FILIP1: variants seen among roughly 807,000 people sequenced by gnomAD.
The protein encoded by FILIP1 is filamin-A-interacting protein 1.
In FILIP1, 61 loss-of-function variants were observed where a neutral mutation model predicts 102.1. The observed-to-expected ratio is 0.60, with a 90% CI of 0.49 to 0.74. The LOEUF (loss-of-function observed/expected upper bound fraction) is 0.74, where lower values mean the gene tolerates loss of function less well. Ranked by LOEUF, FILIP1 falls within the 30% of genes least tolerant of loss-of-function variation. The pLI, the probability that FILIP1 is intolerant of heterozygous loss-of-function variation, is 0.00. For missense variants in FILIP1, 1,314 were observed against 1,441.2 expected, an observed-to-expected ratio of 0.91 and a Z score of 1.43; for synonymous variants, 491 against 526.9, an observed-to-expected ratio of 0.93 and a Z score of 0.93.
intron 1 of FILIP1, among the ~76,000 whole-genome samples, chr6:75,430,901 A>C (rs1777802021): frequency 6.6e-6 from 1 of 152,234 alleles, no homozygotes. Context: ...GCAAAAGCAC[A>C]AAAACACATA....
chr6:75,425,744 A>G (rs1777605609), intron 1 of FILIP1, among the ~76,000 whole-genome samples: 1 of 152,108 alleles, frequency 6.6e-6, no homozygotes, highest in South Asian at 2.1e-4. Flanking sequence ...AAAGTATTAG[A>G]TGTGCTACCC....
At chr6:75,439,195 T>C (rs942758201) in intron 1 of FILIP1, among the ~76,000 whole-genome samples, 2 of 152,110 alleles carry the variant, frequency 1.3e-5, no homozygotes, top group East Asian at 1.9e-4. Context: ...TGAAACCCCA[T>C]CTCTACTAAA....
At chr6:75,394,592 A>G (rs751755930) in intron 2 of FILIP1, among the ~76,000 whole-genome samples, 5 of 152,214 alleles carry the variant, frequency 3.3e-5, no homozygotes, top group Non-Finnish European at 7.3e-5. Flanking sequence ...TCAATAAAAG[A>G]CCAACAATTC....
chr6:75,444,551 C>T (rs1778379057), intron 1 of FILIP1, among the ~76,000 whole-genome samples: 1 of 82,658 alleles, frequency 1.2e-5, no homozygotes, highest in South Asian at 3.9e-4. Context: ...TGATTTACAA[C>T]ATCAAAAAAG....
intron 2 of FILIP1, among the ~76,000 whole-genome samples, chr6:75,369,885 C>A (rs1209510068): frequency 6.6e-6 from 1 of 152,212 alleles, no homozygotes; most frequent in East Asian, 1.9e-4. Flanking sequence ...GACGATGTAA[C>A]CATGACCCCA....
At chr6:75,479,618 C>T (rs987153603) in intron 1 of FILIP1, among the ~76,000 whole-genome samples, 1 of 151,904 alleles carries the variant, frequency 6.6e-6, no homozygotes, top group Non-Finnish European at 1.5e-5. Flanking sequence ...CCTGTAATCC[C>T]AGCACTTTGG....
chr6:75,416,921 A>G (rs2149690598), intron 1 of FILIP1, among the ~76,000 whole-genome samples: 1 of 152,258 alleles, frequency 6.6e-6, no homozygotes, highest in South Asian at 2.1e-4. Flanking sequence ...CATTTACTCA[A>G]TCACAATTAT....
chr6:75,375,075 G>A (rs191891912), intron 2 of FILIP1, among the ~76,000 whole-genome samples: 1 of 152,316 alleles, frequency 6.6e-6, no homozygotes, highest in East Asian at 1.9e-4. Context: ...AAGGACAATA[G>A]AGCAGGGTCA....
intron 6 of FILIP1, chr6:75,296,468 CTA>C (rs1772679462): frequency 7.6e-5 from 5 of 65,686 alleles, no homozygotes; most frequent in South Asian, 9.7e-4. Flanking sequence ...TTGCATAACT[CTA>C]TATGTTTATT....
chr6:75,423,492 A>G (rs189773414), intron 1 of FILIP1, among the ~76,000 whole-genome samples: 1 of 152,264 alleles, frequency 6.6e-6, no homozygotes, highest in Non-Finnish European at 1.5e-5. Context: ...GGTCACGGTC[A>G]CTGTTTGGTG....
chr6:75,411,191 A>G (rs139625921), intron 2 of FILIP1, among the ~76,000 whole-genome samples: 1 of 152,308 alleles, frequency 6.6e-6, no homozygotes, highest in African/African-American at 2.4e-5. Context: ...GCTATTTATC[A>G]TATGTTTGTT....
At chr6:75,490,637 TTGTG>T (rs59493141) in intron 1 of FILIP1, among the ~76,000 whole-genome samples, 111 of 147,972 alleles carry the variant, frequency 7.5e-4, no homozygotes, top group African/African-American at 1.6e-3. Flanking sequence ...TACACAGGAT[TTGTG>T]TGTGTGTGTG....
At chr6:75,378,411 T>C (rs914880533) in intron 2 of FILIP1, among the ~76,000 whole-genome samples, 1 of 152,230 alleles carries the variant, frequency 6.6e-6, no homozygotes, top group Non-Finnish European at 1.5e-5. Context: ...GACAAAAGCC[T>C]GTTCAGCCTC....
intron 2 of FILIP1, among the ~76,000 whole-genome samples, chr6:75,397,661 C>G (rs1357186416): frequency 6.6e-6 from 1 of 151,234 alleles, no homozygotes; most frequent in Non-Finnish European, 1.5e-5. Flanking sequence ...ATTTAAAGTT[C>G]AAAAACAGTA....
At chr6:75,310,635 C>T (rs1773150064) in intron 5 of FILIP1, among the ~76,000 whole-genome samples, 1 of 152,156 alleles carries the variant, frequency 6.6e-6, no homozygotes, top group Non-Finnish European at 1.5e-5. Context: ...CTACCTTGAT[C>T]TGACACTTAA....
chr6:75,459,489 T>C (rs1778950245), intron 1 of FILIP1, among the ~76,000 whole-genome samples: 1 of 151,566 alleles, frequency 6.6e-6, no homozygotes, highest in South Asian at 2.1e-4. Flanking sequence ...TGGAAAAGAG[T>C]TTCCTCCTTC....
chr6:75,304,982 G>C (rs1772940186), downstream of FILIP1, among the ~76,000 whole-genome samples: 1 of 152,220 alleles, frequency 6.6e-6, no homozygotes, highest in African/African-American at 2.4e-5. Context: ...GAAGGAGACT[G>C]GGCAGTAGCT....
intron 1 of FILIP1, among the ~76,000 whole-genome samples, chr6:75,486,000 C>CACACAT (rs1779778568): frequency 1.7e-5 from 2 of 119,628 alleles, no homozygotes; most frequent in African/African-American, 6.0e-5. Context: ...CACACACATA[C>CACACAT]ACACACACAC....
chr6:75,319,828 C>CA, intron 4 of FILIP1: 1 of 309,306 alleles, frequency 3.2e-6, no homozygotes, highest in South Asian at 3.6e-5. Context: ...AGACTCCGTC[C>CA]CCCAAAAAAA....
Sources: allele counts gnomAD v4.1 joint callset (sites outside exome capture counted in the v4.1 genomes callset), GRCh38; gene constraint gnomAD v4.1.1; transcripts MANE v1.5; gene names NCBI Gene and HGNC (gene_info 2026-07-23, HGNC 2026-07-21).